MAGI1: variants seen among roughly 807,000 people sequenced by gnomAD.
MAGI1 encodes membrane associated guanylate kinase, WW and PDZ domain containing 1.
In MAGI1, 58 loss-of-function variants were observed where a neutral mutation model predicts 139.9. The ratio of observed to expected loss-of-function variants is 0.41; its 90% CI spans 0.34 to 0.52. The LOEUF is 0.52. Ranked by LOEUF, MAGI1 falls within the 20% of genes least tolerant of loss-of-function variation. The pLI is 0.12. For synonymous variants in MAGI1, 812 were observed against 737.9 expected (o/e 1.10, Z -1.63); for missense variants, 1,874 against 1,901.6 (o/e 0.99, Z 0.27).
intron 1 of MAGI1, among the ~76,000 whole-genome samples, chr3:65,779,800 T>C (rs1228551710): frequency 1.3e-5 from 2 of 152,210 alleles, no homozygotes; most frequent in African/African-American, 2.4e-5. Context: ...AAGTGACGAG[T>C]ATGCTGTTAA....
Position 65,862,442 on chromosome 3 carries a change from T to G in MAGI1, c.313+175554A>C, listed in dbSNP as rs866041074. 2.0e-5 allele frequency among the ~76,000 whole-genome samples: 3 copies of G among 152,294 alleles called. No homozygotes were observed. The Middle Eastern group carries it at 0.01, about 518-fold the overall frequency. ...TGTCTCTGTGTTTCTCTCCTCTAGA[T>G]CATTCTCAACACCAGCATCATCACA... On this transcript the variant is annotated intron_variant, in intron 1 of 22. Coordinates refer to ENST00000402939, the MANE Select transcript of MAGI1 (RefSeq NM_001033057.2).
intron 1 of MAGI1, among the ~76,000 whole-genome samples, chr3:65,716,281 A>C (rs1467721730): frequency 6.6e-6 from 1 of 152,214 alleles, no homozygotes; most frequent in Non-Finnish European, 1.5e-5. Context: ...TGTAATCCCA[A>C]AGGGATTTGT....
At chr3:66,029,482 T>C (rs2068480592) in intron 1 of MAGI1, among the ~76,000 whole-genome samples, 1 of 152,212 alleles carries the variant, frequency 6.6e-6, no homozygotes, top group South Asian at 2.1e-4. Context: ...AATTATCTTA[T>C]GGAACTCATC....
chr3:65,791,627 AATGAAATCAATACCATATGCTATC>A (rs2039778464), intron 1 of MAGI1, among the ~76,000 whole-genome samples: 2 of 152,188 alleles, frequency 1.3e-5, no homozygotes, highest in South Asian at 4.1e-4. Context: ...TGGTCACAGA[AATGAAATCAATACCATATGCTATC>A]CTCCATCCCA....
intron 2 of MAGI1, among the ~76,000 whole-genome samples, chr3:65,545,068 G>C (rs1022453141): frequency 3.3e-5 from 5 of 152,282 alleles, no homozygotes; most frequent in African/African-American, 1.2e-4. Flanking sequence ...AAAATGGTTA[G>C]AGATGACGGA....
intron 2 of MAGI1, among the ~76,000 whole-genome samples, chr3:65,547,293 C>G (rs1304639905): frequency 6.6e-6 from 1 of 152,164 alleles, no homozygotes; most frequent in African/African-American, 2.4e-5. Flanking sequence ...AGCTGAATGT[C>G]AGCGTAGACA....
intron 2 of MAGI1, among the ~76,000 whole-genome samples, chr3:65,551,466 A>G (rs1032604680): frequency 4.6e-5 from 7 of 151,996 alleles, no homozygotes; most frequent in Non-Finnish European, 1.0e-4. Context: ...GCGCGCGGCT[A>G]ATTTTCTGTG....
chr3:65,364,801 T>C lies in MAGI1; in HGVS notation c.3290+52A>G, dbSNP rs997974120. ...AAAGAATCAAGGACATATATTGTCA[T>C]GCTGGGAGTTACTTTTTTCCCCTTT... is the stretch of plus-strand genomic sequence containing the variant. On this transcript the variant is annotated intron_variant, in intron 19 of 22. Transcript: ENST00000402939. 8 of 1,607,548 alleles carry C rather than the reference T, an allele frequency of 5.0e-6. No individual in the cohort carries two copies. The South Asian group carries it at 6.6e-5, about 13-fold the overall frequency.
intron 2 of MAGI1, among the ~76,000 whole-genome samples, chr3:65,584,362 G>C (rs1467179496): frequency 6.6e-6 from 1 of 152,078 alleles, no homozygotes; most frequent in East Asian, 1.9e-4. Context: ...TGGTTTCTTG[G>C]AGAAAGAAAA....
At chr3:65,412,476 ATT>A (rs1444844604) in intron 12 of MAGI1, among the ~76,000 whole-genome samples, 11 of 152,164 alleles carry the variant, frequency 7.2e-5, no homozygotes, top group African/African-American at 2.7e-4. Flanking sequence ...TATTATTTAT[ATT>A]GTTTATTGTT....
In MAGI1 at chr3:65,510,202, G is replaced by A. The variant is rs1396809713; in HGVS notation, c.431-16571C>T. ...AAGTAGATAAAACCACAAAGATGGG[G>A]AAAAAACAGAACAGAAAAACTGGAA... is the stretch of plus-strand genomic sequence containing the variant. On this transcript the variant is annotated intron_variant, in intron 2 of 22. Transcript: ENST00000402939. Among the ~76,000 whole-genome samples, 3 of 152,156 alleles carry A rather than the reference G, an allele frequency of 2.0e-5. No homozygotes were observed. The East Asian group carries it at 5.8e-4, about 29-fold the overall frequency.
Position 65,812,468 on chromosome 3 carries a change from T to TCTCTCTCTCACACACACACACACACACA in MAGI1, c.314-190381_314-190380insTGTGTGTGTGTGTGTGTGTGAGAGAGAG, listed in dbSNP as rs1176899313. Among the ~76,000 whole-genome samples, 106 of 89,074 alleles carry TCTCTCTCTCACACACACACACACACACA rather than the reference T, an allele frequency of 1.2e-3. 1 individual carries two copies. The East Asian group carries it at 0.02, about 17-fold the overall frequency. The allele number at this position is 89,074 out of a possible 152,430, so 58.4% of individuals were successfully genotyped here. On this transcript the variant is annotated intron_variant, in intron 1 of 22. Coordinates refer to ENST00000402939, the MANE Select transcript of MAGI1 (RefSeq NM_001033057.2). The stretch of plus-strand genomic sequence containing the variant: ...CTTTCTCTCTCTCTCTCTCTCTCTC[T>TCTCTCTCTCACACACACACACACACACA]CACACACACACACACACACACACTT...
At chr3:65,789,079 G>A (rs2039581530) in intron 1 of MAGI1, among the ~76,000 whole-genome samples, 1 of 152,158 alleles carries the variant, frequency 6.6e-6, no homozygotes, top group African/African-American at 2.4e-5. Flanking sequence ...TACTGAGGAG[G>A]CTAAGGCGGG....
In MAGI1 at chr3:65,356,309, T is replaced by C. The variant is rs1940189677; in HGVS notation, c.*69A>G. 6.9e-7 allele frequency: 1 copy of C among 1,458,126 alleles called. No individual in the cohort carries two copies. The highest frequency in any genetic ancestry group is 2.4e-5 in the Admixed American group (1 of 40,856). The allele number at this position is 1,458,126 out of a possible 1,614,324, so 90.3% of individuals were successfully genotyped here. ...ATGCTTCATTAGGTAAGAAACTAAATAATTTCAGGTTTGTGACTTTCCTCT... is the reference window on the plus strand; with the variant it reads ...ATGCTTCATTAGGTAAGAAACTAAACAATTTCAGGTTTGTGACTTTCCTCT... On this transcript the variant is annotated 3_prime_UTR_variant, in exon 23 of 23. Coordinates refer to ENST00000402939, the MANE Select transcript of MAGI1 (RefSeq NM_001033057.2).
At chr3:66,011,903 T>C (rs2107507883) in intron 1 of MAGI1, among the ~76,000 whole-genome samples, 1 of 151,978 alleles carries the variant, frequency 6.6e-6, no homozygotes, top group South Asian at 2.1e-4. Context: ...TTAAGTTATT[T>C]GGATTGTCCT....
chr3:65,596,232 C>T (rs1345837515), intron 2 of MAGI1, among the ~76,000 whole-genome samples: 1 of 152,166 alleles, frequency 6.6e-6, no homozygotes, highest in Non-Finnish European at 1.5e-5. Context: ...GACAGTATGT[C>T]ATTCCGTGGG....
chr3:65,377,090 A>G (rs981827316), intron 17 of MAGI1, among the ~76,000 whole-genome samples: 3 of 152,236 alleles, frequency 2.0e-5, no homozygotes, highest in African/African-American at 7.2e-5. Flanking sequence ...CATGAGGGAC[A>G]TTACAACTAA....
chr3:65,614,718 T>C (rs2106973497), intron 2 of MAGI1, among the ~76,000 whole-genome samples: 1 of 152,158 alleles, frequency 6.6e-6, no homozygotes, highest in African/African-American at 2.4e-5. Flanking sequence ...GTACGTAGGC[T>C]CTTTACTGAC....
chr3:65,414,009 A>G (rs929556292), intron 12 of MAGI1, among the ~76,000 whole-genome samples: 2 of 152,136 alleles, frequency 1.3e-5, no homozygotes, highest in African/African-American at 4.8e-5. Flanking sequence ...CAACTTTCTC[A>G]CTGTGGAAAA....
Sources: gnomAD v4.1 joint callset for allele counts (sites outside exome capture counted in the v4.1 genomes callset) on GRCh38, gnomAD v4.1.1 for gene constraint, MANE v1.5 for transcripts, NCBI Gene and HGNC (gene_info 2026-07-23, HGNC 2026-07-21) for gene names.